KDM3A: variants seen among roughly 807,000 people sequenced by gnomAD.
KDM3A encodes the protein lysine demethylase 3A.
In KDM3A, 60 loss-of-function variants were observed where a neutral mutation model predicts 158.0. The ratio of observed to expected loss-of-function variants is 0.38; its 90% CI spans 0.31 to 0.47. KDM3A has a LOEUF of 0.47. Ranked by LOEUF, KDM3A falls within the 20% of genes least tolerant of loss-of-function variation. KDM3A has a pLI of 0.99. For synonymous variants in KDM3A, 608 were observed against 549.3 expected, an observed-to-expected ratio of 1.11 and a Z score of -1.49; for missense variants, 1,319 against 1,574.3, an observed-to-expected ratio of 0.84 and a Z score of 2.74.
chr2:86,449,766 A>G (rs1672361614), intron 2 of KDM3A, 41 bp from the exon 3 acceptor site: 4 of 1,564,076 alleles, frequency 2.6e-6, no homozygotes, highest in South Asian at 1.2e-5. Flanking sequence ...ATTTTAATAA[A>G]TTGAATCTGC....
intron 9 of KDM3A, 68 bp from the exon 10 acceptor site, chr2:86,466,300 AGTTT>A (rs949725013): frequency 2.6e-4 from 369 of 1,444,508 alleles, no homozygotes; most frequent in African/African-American, 5.0e-4. Flanking sequence ...GGAACCAAAC[AGTTT>A]GTTTGGGGAA....
At position 86,466,573 on chromosome 2, in the gene KDM3A, G is replaced by A; in HGVS notation, c.1209G>A (p.Leu403=). 1 of 1,613,812 alleles carries A rather than the reference G, an allele frequency of 6.2e-7. No homozygotes were observed. Among genetic ancestry groups the A allele is most frequent in the Non-Finnish European group, 8.5e-7 (1 of 1,179,800 alleles). ...CAAACACTGATCAGGAAAACAGATT[G>A]GAGTCTGTTCCACAAGCATTGACTG... The part of the protein sequence containing the change: ...PKTNTDQENR[L]ESVPQALTGL... The change falls in exon 10 of 26, where the codon TTG becomes TTA. Residue 403 remains leucine (L), a synonymous_variant. Coordinates refer to ENST00000312912, the MANE Select transcript of KDM3A (RefSeq NM_018433.6).
chr2:86,476,350 G>GTT (rs34748670), intron 12 of KDM3A, among the ~76,000 whole-genome samples: 6 of 151,792 alleles, frequency 4.0e-5, no homozygotes, highest in South Asian at 2.1e-4. Context: ...TCTAAAAAAT[G>GTT]TTTTTTTCAT....
Position 86,489,130 on chromosome 2 carries a change from C to T in KDM3A, c.3314-188C>T, listed in dbSNP as rs75933439. 2,620 of 608,792 alleles carry T rather than the reference C, an allele frequency of 4.3e-3. 63 individuals are homozygous for T. The African/African-American group carries it at 0.043, about 10-fold the overall frequency. 37.7% of individuals were successfully genotyped at this position (608,792 alleles called of 1,614,324 possible). A position where few individuals can be genotyped will look rare whatever the true frequency, so the allele number is the denominator to read the frequency against. On this transcript the variant is annotated intron_variant, in intron 21 of 25. Coordinates refer to ENST00000312912, the MANE Select transcript of KDM3A (RefSeq NM_018433.6). ...TTCCATTTCCTGCTGTTTTTGGCTT[C>T]TGAGTATTCCTTCTTTTCTTGCTAG...
intron 18 of KDM3A, chr2:86,483,209 G>C (rs1674024854): frequency 6.5e-6 from 1 of 153,120 alleles, no homozygotes; most frequent in African/African-American, 2.4e-5. Context: ...TTCTAGGCCT[G>C]CTTCTGTGCT....
intron 2 of KDM3A, among the ~76,000 whole-genome samples, 176 bp from the exon 3 acceptor site, chr2:86,449,631 A>G (rs551396217): frequency 1.3e-5 from 2 of 152,304 alleles, no homozygotes; most frequent in South Asian, 4.1e-4. Flanking sequence ...AGCCTGGTTC[A>G]TGTGTGATTA....
intron 2 of KDM3A, among the ~76,000 whole-genome samples, chr2:86,447,037 C>G (rs1028290500): frequency 9.2e-5 from 14 of 152,208 alleles, no homozygotes; most frequent in African/African-American, 3.4e-4. Flanking sequence ...GTTTAGAACT[C>G]CTGGACTCGA....
chr2:86,448,438 G>A (rs1683040950), intron 2 of KDM3A, among the ~76,000 whole-genome samples: 1 of 152,216 alleles, frequency 6.6e-6, no homozygotes, highest in Non-Finnish European at 1.5e-5. Context: ...GTGATATACA[G>A]TTGTAAGCAA....
At chr2:86,473,221 C>T (rs1322788964) in intron 11 of KDM3A, among the ~76,000 whole-genome samples, 2 of 152,190 alleles carry the variant, frequency 1.3e-5, no homozygotes, top group South Asian at 2.1e-4. Flanking sequence ...TGCATTGGCA[C>T]GATCATAGCT....
At chr2:86,442,298 G>T in intron 2 of KDM3A, 65 bp downstream of exon 2, 1 of 1,454,410 alleles carries the variant, frequency 6.9e-7, no homozygotes, top group Non-Finnish European at 9.4e-7. Flanking sequence ...GCGACCATCG[G>T]TTCCCTCCTT....
At position 86,474,812 on chromosome 2, in the gene KDM3A, A is replaced by G; in HGVS notation, c.1761A>G (p.Glu587=). Residue 587 remains glutamate, a synonymous_variant, in exon 12 of 26, where the codon GAA becomes GAG. Coordinates refer to ENST00000312912, the MANE Select transcript of KDM3A (RefSeq NM_018433.6). ...ACAAACATGGTGTGTTGCGGGTAGA[A>G]GGCTTCTTAACACCAAACAAGTATG... ...QFNKHGVLRV[E]GFLTPNKYDN... 9.3e-6 allele frequency: 15 copies of G among 1,607,422 alleles called. No homozygotes were observed. Among genetic ancestry groups the G allele is most frequent in the Non-Finnish European group, 1.3e-5 (15 of 1,176,932 alleles).
intron 21 of KDM3A, chr2:86,486,871 A>G (rs995623513): frequency 6.6e-6 from 1 of 152,392 alleles, no homozygotes; most frequent in Non-Finnish European, 1.5e-5. Flanking sequence ...AGCAGTCTCC[A>G]TGCCCAAGAT....
chr2:86,450,568 G>A (rs1330069718), intron 3 of KDM3A, among the ~76,000 whole-genome samples: 1 of 152,172 alleles, frequency 6.6e-6, no homozygotes, highest in Non-Finnish European at 1.5e-5. Context: ...TCTGGAGAGG[G>A]CACTTTAGTC....
At chr2:86,468,182 GGAA>G (rs1320326981) in intron 10 of KDM3A, among the ~76,000 whole-genome samples, 2 of 152,142 alleles carry the variant, frequency 1.3e-5, no homozygotes, top group Non-Finnish European at 2.9e-5. Context: ...GTATAGCATT[GGAA>G]GAATAGAAAG....
rs1161067052 is a variant in KDM3A at position 86,449,888 on chromosome 2, G to A, written c.268G>A (p.Val90Ile). 1 of 1,613,788 alleles carries A rather than the reference G, an allele frequency of 6.2e-7. No homozygotes were observed. The highest frequency in any genetic ancestry group is 2.2e-5 in the East Asian group (1 of 44,888). ...CAGCCTTCTAAGGAGAGCATTTTTA[G>A]TAGAACATAATTTGGTTTTAGCTGA... ...VYSLLRRAFL[V>I]EHNLVLAERK... The change falls in exon 3 of 26, where the codon GTA becomes ATA. Residue 90 changes from valine to isoleucine, a missense_variant. Physicochemically the swap from Val to Ile is conservative, Grantham distance 29. Coordinates refer to ENST00000312912, the MANE Select transcript of KDM3A (RefSeq NM_018433.6).
chr2:86,469,567 C>G (rs2104671335), intron 10 of KDM3A, among the ~76,000 whole-genome samples: 1 of 152,240 alleles, frequency 6.6e-6, no homozygotes, highest in South Asian at 2.1e-4. Flanking sequence ...ATAAAATCTG[C>G]ATTTACTTAG....
At chr2:86,452,633 A>G (rs748937740) in intron 4 of KDM3A, among the ~76,000 whole-genome samples, 1 of 152,158 alleles carries the variant, frequency 6.6e-6, no homozygotes, top group Non-Finnish European at 1.5e-5. Context: ...AATCTTCTTT[A>G]CCGCCTTCTG....
Position 86,482,641 on chromosome 2 carries a change from C to T in KDM3A, c.2869C>T (p.Pro957Ser). The T allele has an allele frequency of 2.5e-6, 4 of 1,614,020 alleles. No homozygotes were observed. The highest frequency in any genetic ancestry group is 1.1e-5 in the South Asian group (1 of 91,074). ...TAATCGCTTGCTGTGCTTGCAAGAC[C>T]CCAACAATAAGAGCAACTGGAATGT... ...CDNRLLCLQD[P>S]NNKSNWNVFR... The change falls in exon 18 of 26, where the codon CCC becomes TCC. Residue 957 changes from proline (P) to serine (S), a missense_variant. Pro to Ser is a moderately conservative substitution (Grantham distance 74). Around this residue, in one of 4 missense-constraint regions of KDM3A, gnomAD observed 368 missense variants for 415.8 expected, o/e 0.89. Transcript: ENST00000312912.
rs114447209 is a variant in KDM3A at position 86,478,749 on chromosome 2, A to T, written c.2316+14A>T. 58 of 1,610,330 alleles carry T rather than the reference A, an allele frequency of 3.6e-5. No individual in the cohort carries two copies. The highest frequency in any genetic ancestry group is 4.5e-5 in the Non-Finnish European group (53 of 1,178,064). Reference sequence around the variant, plus strand: ...GACCTAAAACAGGTATTTACTGCTTATGTTAAATTCAACATCTCTTGTAAT... The same window carrying T: ...GACCTAAAACAGGTATTTACTGCTTTTGTTAAATTCAACATCTCTTGTAAT... On this transcript the variant is annotated intron_variant, in intron 15 of 25. Coordinates refer to ENST00000312912, the MANE Select transcript of KDM3A (RefSeq NM_018433.6).
Sources: gnomAD v4.1 joint callset for allele counts (sites outside exome capture counted in the v4.1 genomes callset) on GRCh38, gnomAD v4.1.1 for gene constraint, gnomAD v4.1.1 regional missense constraint, MANE v1.5 for transcripts, NCBI Gene and HGNC (gene_info 2026-07-23, HGNC 2026-07-21) for gene names.